PPM1L: variants seen among roughly 807,000 people sequenced by gnomAD.
The protein encoded by PPM1L is protein phosphatase, Mg2+/Mn2+ dependent 1L, also known as protein phosphatase 1L.
Under a neutral mutation model 31.4 loss-of-function variants are expected in PPM1L, and 13 were observed. The observed-to-expected ratio is 0.41, with a 90% CI of 0.27 to 0.66. PPM1L has a LOEUF of 0.66. PPM1L is among the 30% of genes least tolerant of loss of function. The pLI is 0.29. For missense variants in PPM1L, 326 were observed against 453.7 expected, an observed-to-expected ratio of 0.72 and a Z score of 2.56; for synonymous variants, 184 against 175.4, an observed-to-expected ratio of 1.05 and a Z score of -0.39.
In PPM1L at chr3:160,842,165, T is replaced by A. The variant is rs1560122866; in HGVS notation, c.399+85458T>A. On this transcript the variant is annotated intron_variant, in intron 1 of 3. Transcript: ENST00000498165. ...TTTGTGTGCGTGCATCCTGAAATAG[T>A]TGGGGAGGACTCATGCAGGAGCTGG... 4 of 673,978 alleles carry A rather than the reference T, an allele frequency of 5.9e-6. No homozygotes were observed. In the Admixed American group the frequency reaches 8.8e-5, roughly 15 times the overall value. 41.7% of individuals were successfully genotyped at this position (673,978 alleles called of 1,614,324 possible). A position where few individuals can be genotyped will look rare whatever the true frequency, so the allele number is the denominator to read the frequency against.
In PPM1L at chr3:160,856,890, C is replaced by T. The variant is rs191067342; in HGVS notation, c.399+100183C>T. On this transcript the variant is annotated intron_variant, in intron 1 of 3. Transcript: ENST00000498165. ...TTAATTCTTCTCCCTATTTATTTCA[C>T]CTTAGATGGCAGTGGATTTATTCAG... Among the ~76,000 whole-genome samples the T allele has an allele frequency of 3.4e-3, 509 of 151,364 alleles. 2 individuals are homozygous for T. Among genetic ancestry groups the T allele is most frequent in the Admixed American group, 5.0e-3 (76 of 15,198 alleles).
At chr3:161,036,104 C>T (rs1718733634) in intron 2 of PPM1L, 1 of 152,188 alleles carries the variant, frequency 6.6e-6, no homozygotes, top group Non-Finnish European at 1.5e-5. Flanking sequence ...ACTTTGGGGA[C>T]AACATTAATT....
rs1414326236 is a variant in PPM1L, at chr3:161,073,179, T to G, written c.*4022T>G. 6.6e-6 allele frequency: 1 copy of G among 152,222 alleles called. No homozygotes were observed. Among genetic ancestry groups the G allele is most frequent in the Non-Finnish European group, 1.5e-5 (1 of 68,042 alleles). The allele number at this position is 152,222 out of a possible 1,614,324, so 9.4% of individuals were successfully genotyped here. ...GAAAACACATACCATCTTAGAAAGT[T>G]AGTGAACATGAGCACATCAAAGGCT... On this transcript the variant is annotated 3_prime_UTR_variant, in exon 4 of 4. Coordinates refer to ENST00000498165, the MANE Select transcript of PPM1L (RefSeq NM_139245.4).
chr3:160,852,585 G>A (rs1374591551), intron 1 of PPM1L, among the ~76,000 whole-genome samples: 1 of 152,144 alleles, frequency 6.6e-6, no homozygotes, highest in Non-Finnish European at 1.5e-5. Context: ...AATACAAAAA[G>A]TCAGACTCTT....
intron 2 of PPM1L, among the ~76,000 whole-genome samples, chr3:161,027,657 C>G (rs899120084): frequency 6.6e-6 from 1 of 152,182 alleles, no homozygotes; most frequent in Non-Finnish European, 1.5e-5. Flanking sequence ...CGTGGGAATT[C>G]AAGATGCGAT....
chr3:160,945,468 T>C (rs944171977), intron 1 of PPM1L, among the ~76,000 whole-genome samples: 2 of 152,138 alleles, frequency 1.3e-5, no homozygotes, highest in African/African-American at 2.4e-5. Context: ...CTTGGAATAC[T>C]GTATTGAGAA....
At chr3:161,016,643 A>G (rs117104342) in intron 2 of PPM1L, among the ~76,000 whole-genome samples, 1 of 152,232 alleles carries the variant, frequency 6.6e-6, no homozygotes, top group African/African-American at 2.4e-5. Flanking sequence ...TCATGTTCCT[A>G]TTAGAGGGCG....
chr3:160,933,943 A>T (rs1437869942), intron 1 of PPM1L, among the ~76,000 whole-genome samples: 2 of 152,242 alleles, frequency 1.3e-5, no homozygotes, highest in Non-Finnish European at 2.9e-5. Context: ...GGATATTTCA[A>T]CCTAATAGTG....
chr3:161,035,966 A>T (rs1285936721), intron 2 of PPM1L: 2 of 152,236 alleles, frequency 1.3e-5, no homozygotes, highest in African/African-American at 4.8e-5. Context: ...CATCATCATA[A>T]ACCACAGAAA....
chr3:160,837,791 G>A (rs1257706796), intron 1 of PPM1L, among the ~76,000 whole-genome samples: 3 of 152,146 alleles, frequency 2.0e-5, no homozygotes, highest in Admixed American at 6.5e-5. Flanking sequence ...GGCTAGCTTC[G>A]TGGTCATGTA....
chr3:160,797,328 C>T (rs1369159392), intron 1 of PPM1L, among the ~76,000 whole-genome samples: 1 of 152,102 alleles, frequency 6.6e-6, no homozygotes, highest in African/African-American at 2.4e-5. Flanking sequence ...TTAGTAAATG[C>T]TGTGTGTGTT....
chr3:160,944,831 CATATA>C (rs1715300102), intron 1 of PPM1L, among the ~76,000 whole-genome samples: 1 of 20,746 alleles, frequency 4.8e-5, no homozygotes, highest in African/African-American at 1.2e-4. Flanking sequence ...TTATATATAA[CATATA>C]TATGTTATAT....
At position 161,071,639 on chromosome 3, in the gene PPM1L, G is replaced by C. The variant is rs1304789264; in HGVS notation, c.*2482G>C. 6.6e-6 allele frequency: 1 copy of C among 152,152 alleles called. No individual in the cohort carries two copies. Among genetic ancestry groups the C allele is most frequent in the African/African-American group, 2.4e-5 (1 of 41,430 alleles). The allele number at this position is 152,152 out of a possible 1,614,324, so 9.4% of individuals were successfully genotyped here. A position where few individuals can be genotyped will look rare whatever the true frequency, so the allele number is the denominator to read the frequency against. ...AGATTTTCAAAAGATAGAAGTTCTAGGCAAAACTGTAGCAGTTTCATTAAT... is the reference window on the plus strand; with the variant it reads ...AGATTTTCAAAAGATAGAAGTTCTACGCAAAACTGTAGCAGTTTCATTAAT... On this transcript the variant is annotated 3_prime_UTR_variant, in exon 4 of 4. Coordinates refer to ENST00000498165, the MANE Select transcript of PPM1L (RefSeq NM_139245.4).
intron 1 of PPM1L, among the ~76,000 whole-genome samples, chr3:160,871,891 CAT>C (rs960805376): frequency 1.8e-4 from 27 of 151,966 alleles, no homozygotes; most frequent in Non-Finnish European, 7.4e-5. Flanking sequence ...ATAATTATAA[CAT>C]TTTTATTGAG....
intron 1 of PPM1L, among the ~76,000 whole-genome samples, chr3:160,837,702 G>T (rs1345673490): frequency 6.6e-6 from 1 of 152,304 alleles, no homozygotes; most frequent in East Asian, 1.9e-4. Flanking sequence ...AGATTGCCAA[G>T]CCTCGGGTGG....
At chr3:160,880,386 G>A (rs1712671748) in intron 1 of PPM1L, among the ~76,000 whole-genome samples, 1 of 152,142 alleles carries the variant, frequency 6.6e-6, no homozygotes, top group Non-Finnish European at 1.5e-5. Flanking sequence ...CAAAAAACAA[G>A]CCTTTTGGGA....
intron 2 of PPM1L, among the ~76,000 whole-genome samples, chr3:161,045,800 A>G (rs138967569): frequency 0.013 from 1,998 of 152,246 alleles, 37 homozygotes; most frequent in African/African-American, 0.044. Context: ...ATAGATAGAG[A>G]CACAAAAAAC....
intron 1 of PPM1L, among the ~76,000 whole-genome samples, chr3:160,938,701 C>G (rs1315380654): frequency 6.6e-6 from 1 of 152,126 alleles, no homozygotes. Context: ...AGCCCACTCC[C>G]CTGTTTTACA....
At chr3:161,051,637 G>A (rs747734891) in intron 2 of PPM1L, among the ~76,000 whole-genome samples, 6 of 152,068 alleles carry the variant, frequency 3.9e-5, no homozygotes, top group Non-Finnish European at 8.8e-5. Context: ...ATAGTCTGCT[G>A]AGCCCAAAAC....
Sources: allele counts gnomAD v4.1 joint callset (sites outside exome capture counted in the v4.1 genomes callset), GRCh38; gene constraint gnomAD v4.1.1; transcripts MANE v1.5; gene names NCBI Gene and HGNC (gene_info 2026-07-23, HGNC 2026-07-21).